The following ORC1 variants were observed in gnomAD, a reference collection of about 807,000 sequenced individuals.
ORC1 encodes the protein origin recognition complex subunit 1.
Under a neutral mutation model 98.9 loss-of-function variants are expected in ORC1, and 61 were observed. That is an observed-to-expected ratio of 0.62 (90% confidence interval 0.50 to 0.76). The LOEUF (loss-of-function observed/expected upper bound fraction) is 0.76, where lower values mean the gene tolerates loss of function less well. Among genes scored for constraint, ORC1 ranks in the 30% least tolerant of loss-of-function variants. ORC1 has a pLI of 0.00. For synonymous variants in ORC1, 385 were observed against 406.9 expected (o/e 0.95, Z 0.65); for missense variants, 979 against 1,072.2 (o/e 0.91, Z 1.21).
intron 9 of ORC1, 96 bp from the exon 10 acceptor site, chr1:52,385,358 C>T: frequency 2.3e-6 from 2 of 877,542 alleles, no homozygotes; most frequent in Admixed American, 1.7e-5. Context: ...GGTTTCTTGT[C>T]TATGTTTCTA....
At chr1:52,377,633 G>C (rs1020740299) in intron 14 of ORC1, among the ~76,000 whole-genome samples, 1 of 129,054 alleles carries the variant, frequency 7.7e-6, no homozygotes, top group Non-Finnish European at 1.6e-5. Context: ...AATTTATGTT[G>C]TATTTCCTAC....
chr1:52,402,130 T>C lies in ORC1; in HGVS notation c.94A>G (p.Arg32Gly), dbSNP rs1224668630. The change falls in exon 2 of 17, where the codon AGA (arginine) becomes GGA (glycine). Residue 32 changes from arginine to glycine, a missense_variant and splice_region_variant. Coordinates refer to ENST00000371568, the MANE Select transcript of ORC1 (RefSeq NM_004153.4). The stretch of plus-strand genomic sequence containing the variant: ...CAACCAAAGGACCCCATCACTCACC[T>C]ATAGGTTTGGTAGTGCAGTTTTCGA... ...LDRKLHYQTY[R>G]EMCVKTEGCS... 1 of 1,612,098 alleles carries C rather than the reference T, an allele frequency of 6.2e-7. No individual in the cohort carries two copies. Among genetic ancestry groups the C allele is most frequent in the East Asian group, 2.2e-5 (1 of 44,884 alleles).
At position 52,385,019 on chromosome 1, in the gene ORC1, C is replaced by T. The variant is rs1647124385; in HGVS notation, c.1583+142G>A. 6 of 752,990 alleles carry T rather than the reference C, an allele frequency of 8.0e-6. No individual in the cohort carries two copies. The Admixed American group carries it at 1.2e-4, about 15-fold the overall frequency. 46.6% of individuals were successfully genotyped at this position (752,990 alleles called of 1,614,324 possible). A position where few individuals can be genotyped will look rare whatever the true frequency, so the allele number is the denominator to read the frequency against. On this transcript the variant is annotated intron_variant, in intron 10 of 16. Coordinates refer to ENST00000371568, the MANE Select transcript of ORC1 (RefSeq NM_004153.4). Reference sequence around the variant, plus strand: ...AGGATTACTTTGGCAACAAATGTTTCAGAAGCTTTGGGCTTCAGCAACGAT... The same window carrying T: ...AGGATTACTTTGGCAACAAATGTTTTAGAAGCTTTGGGCTTCAGCAACGAT...
At chr1:52,398,394 G>C (rs568909028) in intron 3 of ORC1, among the ~76,000 whole-genome samples, 1 of 151,822 alleles carries the variant, frequency 6.6e-6, no homozygotes, top group Non-Finnish European at 1.5e-5. Flanking sequence ...CTCCCGAGTA[G>C]CTGGGACCAC....
intron 14 of ORC1, among the ~76,000 whole-genome samples, chr1:52,375,800 T>G (rs1373874513): frequency 6.6e-6 from 1 of 151,400 alleles, no homozygotes; most frequent in Non-Finnish European, 1.5e-5. Flanking sequence ...GGTTTTACAG[T>G]TAACTCCACA....
chr1:52,386,015 A>C (rs2147926970), intron 8 of ORC1, 66 bp from the exon 9 acceptor site: 1 of 1,158,754 alleles, frequency 8.6e-7, no homozygotes. Context: ...ACACACCAGC[A>C]AATGTGATTT....
At position 52,396,096 on chromosome 1, in the gene ORC1, G is replaced by T. The variant is rs375125827; in HGVS notation, c.671C>A (p.Thr224Asn). The T allele has an allele frequency of 6.2e-7, 1 of 1,614,178 alleles. No individual in the cohort carries two copies. The highest frequency in any genetic ancestry group is 8.5e-7 in the Non-Finnish European group (1 of 1,180,038). Reference sequence around the variant, plus strand: ...TCTTGGGGTAAGAGGATGGGTAGGAGTTTGGCGAGATTTGGAGGCGGAGTG... The same window carrying T: ...TCTTGGGGTAAGAGGATGGGTAGGATTTTGGCGAGATTTGGAGGCGGAGTG... ...SRHSASKSRQ[T>N]PTHPLTPRAR... The change falls in exon 5 of 17, where the codon ACT (threonine) becomes AAT (asparagine). Residue 224 changes from threonine to asparagine, a missense_variant. Thr to Asn is a moderately conservative substitution (Grantham distance 65). Coordinates refer to ENST00000371568, the MANE Select transcript of ORC1 (RefSeq NM_004153.4).
chr1:52,397,363 C>T (rs998704921), intron 4 of ORC1, among the ~76,000 whole-genome samples: 2 of 152,178 alleles, frequency 1.3e-5, no homozygotes, highest in Non-Finnish European at 2.9e-5. Context: ...CTCGTTTAAG[C>T]CAGCATATTC....
chr1:52,376,581 GT>G (rs1313049215), intron 14 of ORC1, among the ~76,000 whole-genome samples: 1 of 152,046 alleles, frequency 6.6e-6, no homozygotes, highest in Non-Finnish European at 1.5e-5. Flanking sequence ...CTAATCCCCA[GT>G]ATTGAACTGG....
Position 52,397,829 on chromosome 1 carries a change from T to C in ORC1, c.258A>G (p.Val86=), listed in dbSNP as rs1447604702. The C allele has an allele frequency of 3.1e-6, 5 of 1,614,244 alleles. No homozygotes were observed. The highest frequency in any genetic ancestry group is 4.2e-6 in the Non-Finnish European group (5 of 1,180,034). Residue 86 remains valine (V), a synonymous_variant, in exon 4 of 17, where the codon GTA becomes GTG. Coordinates refer to ENST00000371568, the MANE Select transcript of ORC1 (RefSeq NM_004153.4). Reference sequence around the variant, plus strand: ...CTTCACAGAATCGGACAAACCACTGTACTCGAGCACGTTTCTTAGGAGGAG... The same window carrying C: ...CTTCACAGAATCGGACAAACCACTGCACTCGAGCACGTTTCTTAGGAGGAG... ...SDPPPKKRAR[V]QWFVRFCEVP...
In ORC1 at chr1:52,373,124, C is replaced by T; in HGVS notation, c.*57G>A. The T allele has an allele frequency of 6.5e-7, 1 of 1,541,290 alleles. No individual in the cohort carries two copies. The highest frequency in any genetic ancestry group is 9.0e-7 in the Non-Finnish European group (1 of 1,115,684). ...TCCAGCCTGGGCGACAGAGCAAGACCCTGTCTCAAAAAACAAAACCCAGCA... is the reference window on the plus strand; with the variant it reads ...TCCAGCCTGGGCGACAGAGCAAGACTCTGTCTCAAAAAACAAAACCCAGCA... On this transcript the variant is annotated 3_prime_UTR_variant, in exon 17 of 17. Coordinates refer to ENST00000371568, the MANE Select transcript of ORC1 (RefSeq NM_004153.4).
intron 14 of ORC1, among the ~76,000 whole-genome samples, chr1:52,376,985 T>C (rs1226482589): frequency 6.6e-6 from 1 of 152,194 alleles, no homozygotes; most frequent in Non-Finnish European, 1.5e-5. Flanking sequence ...ACCTTGGTGC[T>C]AGGTGGATGT....
intron 14 of ORC1, among the ~76,000 whole-genome samples, chr1:52,380,344 C>G (rs1387670105): frequency 3.9e-5 from 6 of 152,156 alleles, no homozygotes; most frequent in Non-Finnish European, 8.8e-5. Context: ...AGATAGAGAC[C>G]AAAATCAACT....
At chr1:52,391,675 G>A (rs1392754338) in intron 6 of ORC1, among the ~76,000 whole-genome samples, 1 of 152,152 alleles carries the variant, frequency 6.6e-6, no homozygotes, top group Non-Finnish European at 1.5e-5. Context: ...GAGATGGGTG[G>A]ATCACTTGAG....
At chr1:52,407,179 G>A (rs903633736), upstream of ORC1, among the ~76,000 whole-genome samples, 5 of 152,084 alleles carry the variant, frequency 3.3e-5, no homozygotes, top group South Asian at 8.3e-4. Flanking sequence ...CACTACACCC[G>A]GCTAATTTTT....
intron 3 of ORC1, among the ~76,000 whole-genome samples, chr1:52,398,786 C>T (rs113053111): frequency 1.3e-5 from 2 of 151,432 alleles, no homozygotes; most frequent in African/African-American, 2.4e-5. Flanking sequence ...GGGGTTTCAC[C>T]GTGTTAGCCA....
chr1:52,385,616 T>A (rs1010497424), intron 9 of ORC1, among the ~76,000 whole-genome samples: 1 of 152,220 alleles, frequency 6.6e-6, no homozygotes, highest in Non-Finnish European at 1.5e-5. Flanking sequence ...GCGGAAATGA[T>A]GGCAGTAGAC....
chr1:52,397,815 C>T lies in ORC1; in HGVS notation c.272G>A (p.Arg91Gln), dbSNP rs763852890. The T allele has an allele frequency of 9.3e-6, 15 of 1,614,058 alleles. No individual in the cohort carries two copies. The highest frequency in any genetic ancestry group is 1.6e-4 in the Middle Eastern group (1 of 6,084). ...TTTACAGGCAGGGACTTCACAGAATCGGACAAACCACTGTACTCGAGCACG... is the reference window on the plus strand; with the variant it reads ...TTTACAGGCAGGGACTTCACAGAATTGGACAAACCACTGTACTCGAGCACG... Reference protein sequence around the residue: ...KKRARVQWFVRFCEVPACKRH... With the variant: ...KKRARVQWFVQFCEVPACKRH... Residue 91 changes from arginine (R) to glutamine (Q), a missense_variant, in exon 4 of 17, where the codon CGA (arginine) becomes CAA (glutamine). By Grantham distance (43) the Arg-to-Gln change is conservative. Coordinates refer to ENST00000371568, the MANE Select transcript of ORC1 (RefSeq NM_004153.4).
At chr1:52,397,389 T>C (rs1647452662) in intron 4 of ORC1, among the ~76,000 whole-genome samples, 1 of 152,240 alleles carries the variant, frequency 6.6e-6, no homozygotes, top group Non-Finnish European at 1.5e-5. Flanking sequence ...CACAATGCTT[T>C]ATGCATGCCA....
Sources: allele counts gnomAD v4.1 joint callset (sites outside exome capture counted in the v4.1 genomes callset), GRCh38; gene constraint gnomAD v4.1.1; transcripts MANE v1.5; gene names NCBI Gene and HGNC (gene_info 2026-07-23, HGNC 2026-07-21).